HHLA1: variants seen among roughly 807,000 people sequenced by gnomAD.
HHLA1 encodes HHLA1 neighbor of OC90.
Under a neutral mutation model 69.9 loss-of-function variants are expected in HHLA1, and 72 were observed. The observed-to-expected ratio is 1.03, with a 90% CI of 0.85 to 1.25. The LOEUF is 1.25. Ranked by LOEUF, HHLA1 falls within the 50% of genes most tolerant of loss-of-function variation. HHLA1 has a pLI of 0.00. For synonymous variants in HHLA1, 252 were observed against 233.2 expected, an observed-to-expected ratio of 1.08 and a Z score of -0.73; for missense variants, 685 against 642.2, an observed-to-expected ratio of 1.07 and a Z score of -0.72.
At chr8:132,088,135 C>T (rs7017516) in intron 8 of HHLA1, among the ~76,000 whole-genome samples, 3,751 of 152,250 alleles carry the variant, frequency 0.025, 169 homozygotes, top group African/African-American at 0.086. Context: ...TCTAGGGTTA[C>T]ATCAGCTCTG....
chr8:132,077,884 A>T lies in HHLA1; in HGVS notation c.1013T>A (p.Ile338Asn). ...SISSVPWAQT[I>N]SEKKPGGSLW... Reference sequence around the variant, plus strand: ...AGACCCTCCAGGTTTTTTCTCACTGATGGTCTGAGCCCAGGGCACGGACGA... The same window carrying T: ...AGACCCTCCAGGTTTTTTCTCACTGTTGGTCTGAGCCCAGGGCACGGACGA... The change falls in exon 12 of 17, where the codon ATC becomes AAC. Residue 338 changes from isoleucine (I) to asparagine (N), a missense_variant. Physicochemically the swap from Ile to Asn is moderately radical, Grantham distance 149. Transcript: ENST00000414222. 6.4e-7 allele frequency: 1 copy of T among 1,551,510 alleles called. No individual in the cohort carries two copies. The highest frequency in any genetic ancestry group is 2.4e-5 in the East Asian group (1 of 40,898).
intron 12 of HHLA1, among the ~76,000 whole-genome samples, chr8:132,077,165 G>A (rs1823659402): frequency 1.3e-5 from 2 of 152,172 alleles, no homozygotes; most frequent in South Asian, 4.1e-4. Context: ...AAGAGGTGAG[G>A]CTGAGAAACA....
At chr8:132,065,299 G>A (rs1382447663) in intron 16 of HHLA1, among the ~76,000 whole-genome samples, 2 of 152,260 alleles carry the variant, frequency 1.3e-5, no homozygotes, top group African/African-American at 4.8e-5. Flanking sequence ...TGTGGGGGTT[G>A]TCCCCCACAA....
chr8:132,079,950 TC>T lies in HHLA1; in HGVS notation c.692del (p.Gly231GlufsTer34). 6.4e-7 allele frequency: 1 copy of T among 1,552,234 alleles called. No individual in the cohort carries two copies. The highest frequency in any genetic ancestry group is 8.7e-7 in the Non-Finnish European group (1 of 1,147,094). The stretch of plus-strand genomic sequence containing the variant: ...TTGTGGGCTTTGAAGTCCTGGCAGT[TC>T]CCCTGGTAGCTGCACCTTCAGGGAG... ...LSGVLGAATR[G>X]TARTSKPTTK... On this transcript the variant is annotated frameshift_variant, in exon 11 of 17. Coordinates refer to ENST00000414222, the MANE Select transcript of HHLA1 (RefSeq NM_001145095.3). LOFTEE classifies it high-confidence loss of function.
At chr8:132,102,295 T>C (rs1335103720) in intron 3 of HHLA1, among the ~76,000 whole-genome samples, 1 of 152,240 alleles carries the variant, frequency 6.6e-6, no homozygotes. Flanking sequence ...ATGTTGAAAC[T>C]GAGTCAAGTC....
At position 132,077,806 on chromosome 8, in the gene HHLA1, A is replaced by G. The variant is rs1251754159; in HGVS notation, c.1091T>C (p.Met364Thr). 6.4e-7 allele frequency: 1 copy of G among 1,551,440 alleles called. No homozygotes were observed. Among genetic ancestry groups the G allele is most frequent in the East Asian group, 2.4e-5 (1 of 40,900 alleles). Reference protein sequence around the residue: ...PPTTAGTEEAMNTTSLLAPAA... With the variant: ...PPTTAGTEEATNTTSLLAPAA... ...AGGCGCCAAAAGGCTTGTAGTGTTC[A>G]TGGCTTCCTCGGTCCCTGCAGTAGT... Residue 364 changes from methionine (M) to threonine (T), a missense_variant, in exon 12 of 17, where the codon ATG becomes ACG. Transcript: ENST00000414222.
intron 7 of HHLA1, among the ~76,000 whole-genome samples, chr8:132,091,754 A>G (rs1276222022): frequency 6.6e-6 from 1 of 152,240 alleles, no homozygotes; most frequent in Admixed American, 6.5e-5. Flanking sequence ...GTGTTGGCAC[A>G]TGTGAGTGGG....
At position 132,063,944 on chromosome 8, in the gene HHLA1, A is replaced by G. The variant is rs997510168; in HGVS notation, c.*51T>C. ...CCACTTGGGACAAGAGCCAGGGTGG[A>G]TGGCGTATCCCCTGAAGTAATTGTT... On this transcript the variant is annotated 3_prime_UTR_variant, in exon 17 of 17. Transcript: ENST00000414222. The G allele has an allele frequency of 2.8e-6, 3 of 1,066,936 alleles. No homozygotes were observed. The highest frequency in any genetic ancestry group is 2.5e-5 in the Admixed American group (1 of 39,434). 66.1% of individuals were successfully genotyped at this position (1,066,936 alleles called of 1,614,324 possible).
Position 132,069,535 on chromosome 8 carries a change from G to C in HHLA1, c.1469+1805C>G, listed in dbSNP as rs556918139. On this transcript the variant is annotated intron_variant, in intron 15 of 16. Coordinates refer to ENST00000414222, the MANE Select transcript of HHLA1 (RefSeq NM_001145095.3). ...AAGAAGGAACAAGCCCAAGCAAACA[G>C]GTGCTTCATTGCTCTAAATTTAAAC... The C allele has an allele frequency of 2.8e-4, 42 of 152,270 alleles. 1 individual carries two copies. Among genetic ancestry groups the C allele is most frequent in the Non-Finnish European group, 1.0e-4 (7 of 68,020 alleles). The allele number at this position is 152,270 out of a possible 1,614,324, so 9.4% of individuals were successfully genotyped here. A position where few individuals can be genotyped will look rare whatever the true frequency, so the allele number is the denominator to read the frequency against.
intron 10 of HHLA1, among the ~76,000 whole-genome samples, chr8:132,081,974 C>T (rs977338609): frequency 1.3e-5 from 2 of 152,060 alleles, no homozygotes; most frequent in Non-Finnish European, 2.9e-5. Flanking sequence ...CCTGGTGGAA[C>T]TGCCATCAAT....
At chr8:132,083,718 G>A (rs1408723959) in intron 10 of HHLA1, among the ~76,000 whole-genome samples, 4 of 152,216 alleles carry the variant, frequency 2.6e-5, no homozygotes, top group Non-Finnish European at 4.4e-5. Context: ...CCTGTGGGAG[G>A]AGGTTCTGGA....
intron 8 of HHLA1, 22 bp downstream of exon 8, chr8:132,089,494 A>C: frequency 7.4e-7 from 1 of 1,346,484 alleles, no homozygotes; most frequent in Non-Finnish European, 1.0e-6. Context: ...AAGTTGCCAA[A>C]GCGTTTTCAA....
At chr8:132,107,253 A>T (rs1314756514) in intron 1 of HHLA1, among the ~76,000 whole-genome samples, 1 of 152,070 alleles carries the variant, frequency 6.6e-6, no homozygotes, top group Non-Finnish European at 1.5e-5. Context: ...CATTATGTTA[A>T]CCACCCTCTT....
At chr8:132,076,613 G>A in intron 12 of HHLA1, 70 bp from the exon 13 acceptor site, 4 of 1,082,486 alleles carry the variant, frequency 3.7e-6, no homozygotes, top group Non-Finnish European at 5.2e-6. Flanking sequence ...GATGACCAGG[G>A]CCACCTATCC....
chr8:132,083,480 G>A (rs1823798056), intron 10 of HHLA1, among the ~76,000 whole-genome samples: 1 of 152,122 alleles, frequency 6.6e-6, no homozygotes, highest in Admixed American at 6.5e-5. Context: ...GGCTTCCGAG[G>A]CAATCGGGCA....
intron 1 of HHLA1, among the ~76,000 whole-genome samples, chr8:132,107,938 A>C (rs537612057): frequency 6.6e-6 from 1 of 152,280 alleles, no homozygotes; most frequent in East Asian, 1.9e-4. Context: ...AGTCTGGACC[A>C]CTCTGGGACA....
intron 7 of HHLA1, among the ~76,000 whole-genome samples, chr8:132,094,191 G>GA (rs1823985959): frequency 6.2e-5 from 2 of 32,090 alleles, no homozygotes; most frequent in Non-Finnish European, 2.9e-4. Flanking sequence ...TATGGTGGAA[G>GA]GGTTAATATT....
intron 7 of HHLA1, among the ~76,000 whole-genome samples, chr8:132,090,998 C>T (rs1457988013): frequency 1.3e-5 from 2 of 152,054 alleles, no homozygotes; most frequent in African/African-American, 2.4e-5. Context: ...TGACCTTGTG[C>T]TCCACCCGCC....
chr8:132,064,363 T>C (rs751172654), intron 16 of HHLA1, among the ~76,000 whole-genome samples: 4 of 152,206 alleles, frequency 2.6e-5, no homozygotes, highest in Non-Finnish European at 5.9e-5. Flanking sequence ...CATTAATAAG[T>C]TGTTCAGTAA....
Sources: gnomAD v4.1 joint callset for allele counts (sites outside exome capture counted in the v4.1 genomes callset) on GRCh38, gnomAD v4.1.1 for gene constraint, MANE v1.5 for transcripts, NCBI Gene and HGNC (gene_info 2026-07-23, HGNC 2026-07-21) for gene names.